RPS6KC1: variants seen among roughly 807,000 people sequenced by gnomAD.
The protein encoded by RPS6KC1 is ribosomal protein S6 kinase C1, also known as inactive ribosomal protein S6 kinase delta-1.
Under a neutral mutation model 103.8 loss-of-function variants are expected in RPS6KC1, and 54 were observed. That is an observed-to-expected ratio of 0.52 (90% CI 0.42 to 0.65). The LOEUF is 0.65. Among genes scored for constraint, RPS6KC1 ranks in the 30% least tolerant of loss-of-function variants. RPS6KC1 has a pLI of 0.00. For synonymous variants in RPS6KC1, 439 were observed against 438.7 expected (o/e 1.00, Z -0.01); for missense variants, 1,151 against 1,253.8 (o/e 0.92, Z 1.24).
downstream of RPS6KC1, among the ~76,000 whole-genome samples, chr1:213,279,202 C>T (rs2095118215): frequency 2.0e-5 from 3 of 152,002 alleles, no homozygotes; most frequent in Admixed American, 2.0e-4. Flanking sequence ...AGATTAGAGG[C>T]AGGGAAAGCA....
chr1:213,693,002 C>T, the RPS6KC1 span, among the ~76,000 whole-genome samples: 1 of 152,158 alleles, frequency 6.6e-6, no homozygotes, highest in Non-Finnish European at 1.5e-5. Context: ...TGGAACACAC[C>T]AGAGTCTCTG....
At chr1:213,566,885 A>T in the RPS6KC1 span, among the ~76,000 whole-genome samples, 1 of 152,102 alleles carries the variant, frequency 6.6e-6, no homozygotes, top group Non-Finnish European at 1.5e-5. Flanking sequence ...AGTGGATGTT[A>T]TCAGGAGTTA....
At chr1:213,460,878 G>A in the RPS6KC1 span, among the ~76,000 whole-genome samples, 2 of 152,200 alleles carry the variant, frequency 1.3e-5, no homozygotes, top group South Asian at 2.1e-4. Flanking sequence ...GAAATTCTGG[G>A]TTGAAAACTC....
the RPS6KC1 span, among the ~76,000 whole-genome samples, chr1:213,759,323 A>G: frequency 6.6e-6 from 1 of 152,358 alleles, no homozygotes; most frequent in Admixed American, 6.5e-5. Context: ...TAGTATAAAT[A>G]CAACTTTTAT....
chr1:213,823,253 T>C, the RPS6KC1 span, among the ~76,000 whole-genome samples: 14 of 152,210 alleles, frequency 9.2e-5, no homozygotes, highest in African/African-American at 3.4e-4. Flanking sequence ...GCTGATCACA[T>C]GATAGTATAT....
intron 11 of RPS6KC1, 131 bp downstream of exon 11, chr1:213,242,428 C>A: frequency 8.7e-7 from 1 of 1,155,276 alleles, no homozygotes; most frequent in Non-Finnish European, 1.3e-6. Context: ...CAAATTCACC[C>A]CCAGTAATAG....
At chr1:213,570,022 C>T in the RPS6KC1 span, among the ~76,000 whole-genome samples, 2 of 152,136 alleles carry the variant, frequency 1.3e-5, no homozygotes, top group Non-Finnish European at 2.9e-5. Context: ...GCTAGGAATG[C>T]AAGGGGTAAC....
the RPS6KC1 span, among the ~76,000 whole-genome samples, chr1:213,415,489 C>T: frequency 3.3e-5 from 5 of 152,290 alleles, no homozygotes; most frequent in South Asian, 2.1e-4. Flanking sequence ...CTGTACAATC[C>T]GAGGTGGGGC....
chr1:213,489,272 AGTTGGTACCCTAGGTGTGAAGG>A, the RPS6KC1 span, among the ~76,000 whole-genome samples: 1 of 152,164 alleles, frequency 6.6e-6, no homozygotes, highest in South Asian at 2.1e-4. Flanking sequence ...GGGTGTGAAG[AGTTGGTACCCTAGGTGTGAAGG>A]AGATTCCCAG....
intron 3 of RPS6KC1, among the ~76,000 whole-genome samples, chr1:213,099,989 A>G (rs1192090611): frequency 6.6e-6 from 1 of 152,332 alleles, no homozygotes; most frequent in East Asian, 1.9e-4. Flanking sequence ...CTAGGAATAT[A>G]ATTTCTGGAT....
chr1:213,150,329 T>TA (rs2088545736), intron 6 of RPS6KC1, among the ~76,000 whole-genome samples: 1 of 142,666 alleles, frequency 7.0e-6, no homozygotes, highest in Admixed American at 6.9e-5. Flanking sequence ...TTTATTTATT[T>TA]TTTATTGATA....
chr1:213,794,303 G>A, the RPS6KC1 span: 1 of 152,112 alleles, frequency 6.6e-6, no homozygotes, highest in Non-Finnish European at 1.5e-5. Context: ...AAACAACAAT[G>A]AGACTGTTGT....
the RPS6KC1 span, among the ~76,000 whole-genome samples, chr1:213,785,788 T>C: frequency 6.6e-6 from 1 of 152,324 alleles, no homozygotes; most frequent in African/African-American, 2.4e-5. Flanking sequence ...TTTAGTTTTC[T>C]CATTGTAAAA....
the RPS6KC1 span, among the ~76,000 whole-genome samples, chr1:213,438,011 C>T: frequency 6.6e-6 from 1 of 151,366 alleles, no homozygotes; most frequent in Non-Finnish European, 1.5e-5. Context: ...TACTCTGTGT[C>T]TGTTTCTTCA....
the RPS6KC1 span, among the ~76,000 whole-genome samples, chr1:213,323,056 G>A: frequency 9.9e-5 from 15 of 151,376 alleles, no homozygotes; most frequent in African/African-American, 1.5e-4. Flanking sequence ...GAGCCACTGC[G>A]CTGGGCCTCC....
chr1:213,051,331 A>T lies in RPS6KC1; in HGVS notation c.-74A>T. 8.5e-7 allele frequency: 1 copy of T among 1,177,326 alleles called. No individual in the cohort carries two copies. The highest frequency in any genetic ancestry group is 1.3e-6 in the Non-Finnish European group (1 of 798,156). 72.9% of individuals were successfully genotyped at this position (1,177,326 alleles called of 1,614,324 possible). A position where few individuals can be genotyped will look rare whatever the true frequency, so the allele number is the denominator to read the frequency against. On this transcript the variant is annotated 5_prime_UTR_variant, in exon 1 of 15. Coordinates refer to ENST00000366960, the MANE Select transcript of RPS6KC1 (RefSeq NM_012424.6). ...CGCCGCTTCGCCGCTGCGTTGGGGAACCTGGACCGCGGCGGCGCCGGGTTT... is the reference window on the plus strand; with the variant it reads ...CGCCGCTTCGCCGCTGCGTTGGGGATCCTGGACCGCGGCGGCGCCGGGTTT...
the RPS6KC1 span, among the ~76,000 whole-genome samples, chr1:213,382,839 T>A: frequency 6.6e-6 from 1 of 152,246 alleles, no homozygotes; most frequent in Non-Finnish European, 1.5e-5. Context: ...AGTGCTTGCC[T>A]GGTGCCTAGC....
chr1:213,427,840 T>G, the RPS6KC1 span, among the ~76,000 whole-genome samples: 1 of 152,226 alleles, frequency 6.6e-6, no homozygotes, highest in East Asian at 1.9e-4. Context: ...TTGGCAAGGT[T>G]CACATAATTT....
chr1:213,496,525 A>G, the RPS6KC1 span, among the ~76,000 whole-genome samples: 1 of 152,292 alleles, frequency 6.6e-6, no homozygotes, highest in African/African-American at 2.4e-5. Flanking sequence ...TGGGAGGCTG[A>G]GGTGGGTGAA....
Sources: allele counts gnomAD v4.1 joint callset (sites outside exome capture counted in the v4.1 genomes callset), GRCh38; gene constraint gnomAD v4.1.1; transcripts MANE v1.5; gene names NCBI Gene and HGNC (gene_info 2026-07-23, HGNC 2026-07-21).